The following CFAP47 variants were observed in gnomAD, a reference collection of about 807,000 sequenced individuals.
CFAP47 encodes cilia and flagella associated protein 47.
In CFAP47, 29 loss-of-function variants were observed where a neutral mutation model predicts 148.1. The ratio of observed to expected loss-of-function variants is 0.20; its 90% CI spans 0.15 to 0.27. CFAP47 has a LOEUF of 0.27. CFAP47 is among the 10% of genes least tolerant of loss of function. CFAP47 has a pLI of 1.00. For synonymous variants in CFAP47, 664 were observed against 577.3 expected (o/e 1.15, Z -2.15); for missense variants, 1,872 against 1,697.5 (o/e 1.10, Z -1.81).
chrX:36,334,845 T>G (rs1189671599), intron 57 of CFAP47, among the ~76,000 whole-genome samples: 1 of 110,333 alleles, frequency 9.1e-6, no homozygotes, highest in African/African-American at 3.3e-5. Context: ...TTTCTTTTGC[T>G]TGTGCCTTTT....
intron 32 of CFAP47, among the ~76,000 whole-genome samples, chrX:36,103,529 A>AAAAAAAC: frequency 9.9e-6 from 1 of 100,605 alleles, no homozygotes; most frequent in Admixed American, 1.1e-4. Flanking sequence ...AAAAAAAAAA[A>AAAAAAAC]CATCCCTCAA....
intron 42 of CFAP47, among the ~76,000 whole-genome samples, chrX:36,192,285 A>G (rs1309542969): frequency 9.0e-6 from 1 of 111,504 alleles, no homozygotes; most frequent in Non-Finnish European, 1.9e-5. Context: ...AGAGCCAATA[A>G]TGTTTTGCTC....
intron 39 of CFAP47, among the ~76,000 whole-genome samples, chrX:36,163,926 A>G (rs1939460003): frequency 1.8e-5 from 2 of 111,920 alleles, no homozygotes. Context: ...AATTATTTTT[A>G]ATTTCTTTTT....
intron 27 of CFAP47, among the ~76,000 whole-genome samples, chrX:36,067,695 C>T (rs1437867794): frequency 9.8e-6 from 1 of 102,522 alleles, no homozygotes; most frequent in African/African-American, 3.7e-5. Context: ...TGGAGTCTCG[C>T]TCTGTCTCCT....
chrX:36,153,902 C>T (rs1319729179), intron 37 of CFAP47, among the ~76,000 whole-genome samples: 4 of 111,781 alleles, frequency 3.6e-5, no homozygotes, highest in Non-Finnish European at 5.6e-5. Flanking sequence ...ATACTCCCTT[C>T]TCCTTAAAAT....
chrX:36,108,208 T>A (rs897508979), intron 33 of CFAP47, among the ~76,000 whole-genome samples: 13 of 111,369 alleles, frequency 1.2e-4, no homozygotes, highest in African/African-American at 3.3e-4. Context: ...CTTTCCTTCA[T>A]CACATTGATA....
intron 36 of CFAP47, 128 bp from the exon 37 acceptor site, chrX:36,148,980 G>A (rs1275036703): frequency 2.6e-5 from 6 of 228,551 alleles, no homozygotes; most frequent in Admixed American, 7.4e-5. Flanking sequence ...TGTCCAGTTG[G>A]TGTTCATTAT....
chrX:36,148,744 C>T (rs1939268577), intron 36 of CFAP47, among the ~76,000 whole-genome samples: 1 of 111,673 alleles, frequency 9.0e-6, no homozygotes, highest in African/African-American at 3.3e-5. Flanking sequence ...ATATAAGTTC[C>T]CTTTTTAAAA....
At chrX:35,967,559 T>G (rs987590245) in intron 9 of CFAP47, 60 bp from the exon 10 acceptor site, 55 of 865,848 alleles carry the variant, frequency 6.4e-5, no homozygotes, top group Non-Finnish European at 8.5e-5. Flanking sequence ...TTCATGGTTA[T>G]TGTTTTTAAA....
chrX:36,104,466 G>A (rs375951466), intron 32 of CFAP47, 33 bp from the exon 33 acceptor site: 15 of 511,743 alleles, frequency 2.9e-5, no homozygotes, highest in Non-Finnish European at 4.2e-5. Flanking sequence ...TTTTCCATTT[G>A]CATCTAATAA....
At chrX:36,090,755 C>T (rs1052955376) in intron 30 of CFAP47, among the ~76,000 whole-genome samples, 1 of 111,333 alleles carries the variant, frequency 9.0e-6, no homozygotes, top group African/African-American at 3.3e-5. Flanking sequence ...TAAATGTTAT[C>T]AGCTTCCCCA....
intron 63 of CFAP47, 124 bp downstream of exon 63, chrX:36,379,642 C>A: frequency 1.9e-6 from 1 of 517,090 alleles, no homozygotes; most frequent in Non-Finnish European, 3.2e-6. Context: ...GTGCAAAAAT[C>A]AACTTATCTC....
chrX:36,023,596 G>A (rs1385440602), intron 22 of CFAP47, among the ~76,000 whole-genome samples: 1 of 111,838 alleles, frequency 8.9e-6, no homozygotes, highest in Non-Finnish European at 1.9e-5. Flanking sequence ...CCTGGAGCCA[G>A]GGACTAGAGT....
At chrX:35,947,037 C>T (rs750489692) in intron 3 of CFAP47, among the ~76,000 whole-genome samples, 2 of 111,630 alleles carry the variant, frequency 1.8e-5, no homozygotes, top group South Asian at 3.7e-4. Context: ...AAACCAATCC[C>T]CTTTGCCCTT....
At chrX:36,371,812 ATG>A (rs1556021786) in intron 62 of CFAP47, among the ~76,000 whole-genome samples, 1 of 67,969 alleles carries the variant, frequency 1.5e-5, no homozygotes. Context: ...ACATGTATAT[ATG>A]TGTGCATATA....
At chrX:36,081,539 A>G (rs1937983098) in intron 29 of CFAP47, among the ~76,000 whole-genome samples, 1 of 111,086 alleles carries the variant, frequency 9.0e-6, no homozygotes, top group Non-Finnish European at 1.9e-5. Context: ...AGACACATTG[A>G]AAAAAGAAAA....
At chrX:35,954,320 G>C (rs1001197059) in intron 7 of CFAP47, among the ~76,000 whole-genome samples, 6 of 110,984 alleles carry the variant, frequency 5.4e-5, no homozygotes, top group Admixed American at 2.9e-4. Context: ...AGAGAAAATA[G>C]AGAATTAGGA....
At chrX:36,277,267 T>C (rs1293760993) in intron 49 of CFAP47, among the ~76,000 whole-genome samples, 2 of 112,223 alleles carry the variant, frequency 1.8e-5, no homozygotes, top group Non-Finnish European at 3.8e-5. Context: ...AGATGTCACA[T>C]TGTCTTGTCA....
At chrX:36,270,039 A>T (rs782527530) in intron 49 of CFAP47, among the ~76,000 whole-genome samples, 28 of 111,819 alleles carry the variant, frequency 2.5e-4, no homozygotes, top group African/African-American at 8.4e-4. Context: ...TACCACAATA[A>T]TTTGTTTATC....
Sources: gnomAD v4.1 joint callset for allele counts (sites outside exome capture counted in the v4.1 genomes callset) on GRCh38, gnomAD v4.1.1 for gene constraint, MANE v1.5 for transcripts, NCBI Gene and HGNC (gene_info 2026-07-23, HGNC 2026-07-21) for gene names.